The following RYR2 variants were observed in gnomAD, a reference collection of about 807,000 sequenced individuals.
RYR2 encodes the protein ryanodine receptor 2.
Under a neutral mutation model 601.1 loss-of-function variants are expected in RYR2, and 227 were observed. That is an observed-to-expected ratio of 0.38 (90% confidence interval 0.34 to 0.42). RYR2 has a LOEUF of 0.42. RYR2 is among the 10% of genes least tolerant of loss of function. The pLI, the probability that RYR2 is intolerant of heterozygous loss-of-function variation, is 1.00. For synonymous variants in RYR2, 2,223 were observed against 2,175.1 expected, an observed-to-expected ratio of 1.02 and a Z score of -0.61; for missense variants, 4,646 against 6,156.5, an observed-to-expected ratio of 0.75 and a Z score of 8.21.
Position 237,759,804 on chromosome 1 carries a change from A to G in RYR2, c.11354A>G (p.Lys3785Arg), listed in dbSNP as rs1158851592. Reference sequence around the variant, plus strand: ...ATGCTTGACTACCTCAAGGAGAAAAAGGATGTGGGCTTCTTTCAGAGCCTG... The same window carrying G: ...ATGCTTGACTACCTCAAGGAGAAAAGGGATGTGGGCTTCTTTCAGAGCCTG... ...QKMLDYLKEK[K>R]DVGFFQSLAG... Residue 3785 changes from lysine to arginine, a missense_variant, in exon 83 of 105, where the codon AAG (lysine) becomes AGG (arginine). By Grantham distance (26) the Lys-to-Arg change is conservative. This residue lies in a region of RYR2 where 1,497 missense variants were observed against 1,842.6 expected (regional missense o/e 0.81). Coordinates refer to ENST00000366574, the MANE Select transcript of RYR2 (RefSeq NM_001035.3). The G allele has an allele frequency of 6.2e-7, 1 of 1,612,500 alleles. No individual in the cohort carries two copies.
chr1:237,395,531 G>GTTTTTTTTTTTT, intron 10 of RYR2, among the ~76,000 whole-genome samples: 1 of 98,978 alleles, frequency 1.0e-5, no homozygotes, highest in Non-Finnish European at 1.9e-5. Flanking sequence ...TAGTAGGACT[G>GTTTTTTTTTTTT]TCTTTTTTTT....
intron 76 of RYR2, among the ~76,000 whole-genome samples, chr1:237,728,663 T>C (rs1301699019): frequency 2.0e-5 from 3 of 151,706 alleles, no homozygotes; most frequent in Admixed American, 1.3e-4. Context: ...AAACCATCAT[T>C]CTCAGCAAAC....
intron 10 of RYR2, among the ~76,000 whole-genome samples, chr1:237,406,158 CCCTTCCCTT>C (rs1703854254): frequency 2.3e-5 from 1 of 43,614 alleles, no homozygotes; most frequent in Non-Finnish European, 4.3e-5. Context: ...CCCTCCCCTT[CCCTTCCCTT>C]CCCTTCCCTC....
chr1:237,616,896 A>T (rs956137754), intron 37 of RYR2, among the ~76,000 whole-genome samples: 1 of 152,098 alleles, frequency 6.6e-6, no homozygotes, highest in Admixed American at 6.6e-5. Flanking sequence ...TGTGCAGGGG[A>T]ACTTCCATTT....
At chr1:237,100,218 G>C (rs1034519304) in intron 1 of RYR2, among the ~76,000 whole-genome samples, 1 of 152,086 alleles carries the variant, frequency 6.6e-6, no homozygotes, top group Non-Finnish European at 1.5e-5. Context: ...AAATAGATGA[G>C]GTGAAAGAGC....
At chr1:237,104,379 ACT>A (rs1182500697) in intron 1 of RYR2, among the ~76,000 whole-genome samples, 1 of 150,676 alleles carries the variant, frequency 6.6e-6, no homozygotes, top group African/African-American at 2.4e-5. Flanking sequence ...CTTCCAAAAA[ACT>A]CTGCTCTGCC....
In RYR2 at chr1:237,757,745, T is replaced by C; in HGVS notation, c.11294T>C (p.Ile3765Thr). ...GCTACTCTGAAACTTGGAATTGCTA[T>C]TTTAAATGGTGGGAACTCCACAGTA... is the stretch of plus-strand genomic sequence containing the variant. ...VAATLKLGIAILNGGNSTVQQ... is the reference protein window; with the variant it reads ...VAATLKLGIATLNGGNSTVQQ... The change falls in exon 82 of 105, where the codon ATT becomes ACT. Residue 3765 changes from isoleucine (I) to threonine (T), a missense_variant. Transcript: ENST00000366574. 3 of 1,611,672 alleles carry C rather than the reference T, an allele frequency of 1.9e-6. No individual in the cohort carries two copies. Among genetic ancestry groups the C allele is most frequent in the Non-Finnish European group, 2.5e-6 (3 of 1,177,864 alleles).
intron 11 of RYR2, among the ~76,000 whole-genome samples, chr1:237,419,834 G>T (rs1476554125): frequency 6.6e-6 from 1 of 151,966 alleles, no homozygotes; most frequent in Admixed American, 6.6e-5. Context: ...CAGTTTAGGA[G>T]CTTTTATTTT....
intron 71 of RYR2, among the ~76,000 whole-genome samples, chr1:237,714,785 T>TC (rs1322805163): frequency 6.6e-6 from 1 of 151,418 alleles, no homozygotes; most frequent in East Asian, 2.0e-4. Flanking sequence ...GGTCAGGAGT[T>TC]CAAGACCAGT....
At chr1:237,200,227 A>C (rs1227577503) in intron 1 of RYR2, among the ~76,000 whole-genome samples, 1 of 151,222 alleles carries the variant, frequency 6.6e-6, no homozygotes. Context: ...ATTGTTTACC[A>C]TCTGTTTGCA....
chr1:237,631,794 A>G (rs867780692), intron 42 of RYR2, among the ~76,000 whole-genome samples: 10 of 151,264 alleles, frequency 6.6e-5, no homozygotes, highest in Middle Eastern at 6.8e-3. Context: ...CGCCCGGCTA[A>G]TTTTTTTGTG....
chr1:237,711,792 C>A lies in RYR2; in HGVS notation c.10278C>A (p.Asn3426Lys). Residue 3426 changes from asparagine to lysine, a missense_variant, in exon 71 of 105, where the codon AAC becomes AAA. By Grantham distance (94) the Asn-to-Lys change is moderately conservative. Coordinates refer to ENST00000366574, the MANE Select transcript of RYR2 (RefSeq NM_001035.3). ...ACTTCGTTGTACAGAATGAAATCAACAATATGTCTTTCCTTATTACTGATA... is the reference window on the plus strand; with the variant it reads ...ACTTCGTTGTACAGAATGAAATCAAAAATATGTCTTTCCTTATTACTGATA... Reference protein sequence around the residue: ...EQNFVVQNEINNMSFLITDTK... With the variant: ...EQNFVVQNEIKNMSFLITDTK... The A allele has an allele frequency of 6.3e-7, 1 of 1,582,428 alleles. No individual in the cohort carries two copies. The highest frequency in any genetic ancestry group is 1.7e-5 in the Admixed American group (1 of 59,488).
At chr1:237,568,496 T>C (rs2805394) in intron 28 of RYR2, among the ~76,000 whole-genome samples, 88,767 of 152,026 alleles carry the variant, frequency 0.58, 28,564 homozygotes, top group Non-Finnish European at 0.71. Flanking sequence ...TTTCACTTTA[T>C]GTATATATAT....
In RYR2 at chr1:237,674,106, C is replaced by T. The variant is rs1236237970; in HGVS notation, c.8601C>T (p.Asn2867=). 1 of 1,611,408 alleles carries T rather than the reference C, an allele frequency of 6.2e-7. No individual in the cohort carries two copies. Among genetic ancestry groups the T allele is most frequent in the East Asian group, 2.2e-5 (1 of 44,824 alleles). Residue 2867 remains asparagine, a synonymous_variant, in exon 59 of 105, where the codon AAC becomes AAT. Transcript: ENST00000366574. ...KMELESKGGG[N]HPLLVPYDTL... Reference sequence around the variant, plus strand: ...CTGACATACTCTTAGGAGGAGGAAACCATCCTCTGCTGGTGCCCTATGATA... The same window carrying T: ...CTGACATACTCTTAGGAGGAGGAAATCATCCTCTGCTGGTGCCCTATGATA...
Position 237,639,163 on chromosome 1 carries a change from A to G in RYR2, c.7077A>G (p.Arg2359=). The G allele has an allele frequency of 6.2e-7, 1 of 1,613,792 alleles. No homozygotes were observed. The highest frequency in any genetic ancestry group is 1.1e-5 in the South Asian group (1 of 91,052). ...TCAAAATCGCCGAGGATCCTTCCCG[A>G]GATGGTCCCTCACCAAATAGCGGAT... is the stretch of plus-strand genomic sequence containing the variant. ...EAIKIAEDPS[R]DGPSPNSGSS... Residue 2359 remains arginine, a synonymous_variant, in exon 46 of 105, where the codon CGA becomes CGG. Transcript: ENST00000366574.
intron 62 of RYR2, 119 bp from the exon 63 acceptor site, chr1:237,687,336 A>C: frequency 6.9e-5 from 43 of 627,354 alleles, no homozygotes; most frequent in Middle Eastern, 6.0e-4. Context: ...CGGCTCATAT[A>C]TCAGCTGTTT....
Position 237,645,928 on chromosome 1 carries a change from A to C in RYR2, c.7342+2481A>C, listed in dbSNP as rs12076934. ...GTCTCACTCTGTCGCCCAGGCTGGA[A>C]TGCAGTGGCGCAGTCTTGGCTCACT... On this transcript the variant is annotated intron_variant, in intron 48 of 104. Coordinates refer to ENST00000366574, the MANE Select transcript of RYR2 (RefSeq NM_001035.3). Among the ~76,000 whole-genome samples the C allele has an allele frequency of 1.1e-4, 16 of 148,686 alleles. No individual in the cohort carries two copies. The East Asian group carries it at 3.3e-3, about 30-fold the overall frequency.
At chr1:237,208,329 C>T (rs549032420) in intron 1 of RYR2, among the ~76,000 whole-genome samples, 1 of 152,246 alleles carries the variant, frequency 6.6e-6, no homozygotes, top group South Asian at 2.1e-4. Flanking sequence ...ATGTGGGCTG[C>T]TGAGTGATTG....
At chr1:237,691,802 A>G (rs548157588) in intron 63 of RYR2, among the ~76,000 whole-genome samples, 22 of 152,180 alleles carry the variant, frequency 1.4e-4, no homozygotes, top group Non-Finnish European at 2.4e-4. Context: ...AATGCTTGCT[A>G]GTGATTATAA....
Sources: gnomAD v4.1 joint callset for allele counts (sites outside exome capture counted in the v4.1 genomes callset) on GRCh38, gnomAD v4.1.1 for gene constraint, gnomAD v4.1.1 regional missense constraint, MANE v1.5 for transcripts, NCBI Gene and HGNC (gene_info 2026-07-23, HGNC 2026-07-21) for gene names.